Variants in TBC1D23 observed in about 807,000 individuals in gnomAD.
TBC1D23 encodes the protein HCV non-structural protein 4A-transactivated protein 1.
A neutral mutation model predicts 91.4 loss-of-function variants in TBC1D23; 55 were observed. That is an observed-to-expected ratio of 0.60 (90% CI 0.48 to 0.75). The LOEUF (loss-of-function observed/expected upper bound fraction) is 0.75. Ranked by LOEUF, TBC1D23 falls within the 30% of genes least tolerant of loss-of-function variation. The pLI, the probability that TBC1D23 is intolerant of heterozygous loss-of-function variation, is 0.00. For missense variants in TBC1D23, 725 were observed against 836.1 expected (o/e 0.87, Z 1.64); for synonymous variants, 289 against 281.0 (o/e 1.03, Z -0.28).
In TBC1D23 at chr3:100,323,650, G is replaced by A; in HGVS notation, c.2082G>A (p.Leu694=). The A allele has an allele frequency of 6.6e-7, 1 of 1,525,966 alleles. No individual in the cohort carries two copies. Among genetic ancestry groups the A allele is most frequent in the East Asian group, 2.4e-5 (1 of 41,668 alleles). 94.5% of individuals were successfully genotyped at this position (1,525,966 alleles called of 1,614,324 possible). A position where few individuals can be genotyped will look rare whatever the true frequency, so the allele number is the denominator to read the frequency against. Residue 694 remains leucine (L), a synonymous_variant, in exon 19 of 19, where the codon TTG becomes TTA. Transcript: ENST00000394144. ...TAAAACAGCAGATCATGAAAGTTTTGGATGCTTTGGAAAGTTAATATAAAA... is the reference window on the plus strand; with the variant it reads ...TAAAACAGCAGATCATGAAAGTTTTAGATGCTTTGGAAAGTTAATATAAAA... ...KAIKQQIMKV[L]DALES is the part of the protein sequence containing the mutation.
At chr3:100,316,047 C>A in intron 15 of TBC1D23, 52 bp from the exon 16 acceptor site, 1 of 1,413,324 alleles carries the variant, frequency 7.1e-7, no homozygotes, top group East Asian at 2.3e-5. Context: ...TGGTAAAAAT[C>A]TTTGATAACT....
At chr3:100,320,999 C>T in intron 18 of TBC1D23, 28 bp downstream of exon 18, 1 of 1,498,408 alleles carries the variant, frequency 6.7e-7, no homozygotes, top group African/African-American at 1.4e-5. Context: ...ATAATATTAT[C>T]TGAATTCAGA....
intron 1 of TBC1D23, among the ~76,000 whole-genome samples, chr3:100,278,432 C>T (rs1272954041): frequency 6.7e-6 from 1 of 150,296 alleles, no homozygotes; most frequent in Non-Finnish European, 1.5e-5. Context: ...GTCACCCAGG[C>T]TGGGGTGCAG....
chr3:100,289,786 G>T (rs1031164302), intron 4 of TBC1D23, among the ~76,000 whole-genome samples: 1 of 152,138 alleles, frequency 6.6e-6, no homozygotes, highest in Non-Finnish European at 1.5e-5. Flanking sequence ...TTAGGGGTAC[G>T]TGTGCAGGTT....
rs936753214 is a variant in TBC1D23 at position 100,299,339 on chromosome 3, T to A, written c.1092+8T>A. 2.0e-6 allele frequency: 3 copies of A among 1,528,176 alleles called. No homozygotes were observed. The highest frequency in any genetic ancestry group is 2.7e-6 in the Non-Finnish European group (3 of 1,109,466). 94.7% of individuals were successfully genotyped at this position (1,528,176 alleles called of 1,614,324 possible). ...CACTTAGATTCAGACCTGGTTAGTA[T>A]AAATGCTGATTAATTATTCTTAAAG... On this transcript the variant is annotated splice_region_variant and intron_variant, in intron 10 of 18. Transcript: ENST00000394144.
At chr3:100,286,286 C>G (rs2067741179) in intron 4 of TBC1D23, among the ~76,000 whole-genome samples, 1 of 152,174 alleles carries the variant, frequency 6.6e-6, no homozygotes, top group African/African-American at 2.4e-5. Flanking sequence ...GATGTCCCAG[C>G]TTTGCCTCTG....
intron 17 of TBC1D23, 103 bp downstream of exon 17, chr3:100,319,307 G>T (rs569104003): frequency 3.2e-6 from 3 of 923,848 alleles, no homozygotes; most frequent in South Asian, 3.2e-5. Context: ...AGTACAATAA[G>T]ATATAATTCC....
intron 10 of TBC1D23, 129 bp from the exon 11 acceptor site, chr3:100,301,937 GC>G: frequency 1.6e-6 from 1 of 627,216 alleles, no homozygotes; most frequent in East Asian, 2.9e-5. Context: ...ATTTATAAGA[GC>G]CTTTTTTTCC....
At chr3:100,314,601 G>C (rs1017330152) in intron 15 of TBC1D23, among the ~76,000 whole-genome samples, 1 of 151,960 alleles carries the variant, frequency 6.6e-6, no homozygotes, top group Non-Finnish European at 1.5e-5. Flanking sequence ...TCCTGTCTCT[G>C]AAAAAATAAA....
intron 1 of TBC1D23, among the ~76,000 whole-genome samples, chr3:100,266,483 G>A (rs762612463): frequency 5.9e-5 from 9 of 151,986 alleles, no homozygotes; most frequent in Admixed American, 3.3e-4. Context: ...TGGCCAGGCC[G>A]GTCTCAAACC....
At chr3:100,312,703 C>T (rs2148869811) in intron 15 of TBC1D23, among the ~76,000 whole-genome samples, 1 of 151,916 alleles carries the variant, frequency 6.6e-6, no homozygotes, top group South Asian at 2.1e-4. Context: ...AAAAGAAATT[C>T]TATAAATCCT....
At chr3:100,275,366 C>T (rs2148852046) in intron 1 of TBC1D23, among the ~76,000 whole-genome samples, 1 of 152,174 alleles carries the variant, frequency 6.6e-6, no homozygotes, top group Admixed American at 6.6e-5. Context: ...GGCCTTACTG[C>T]AGCCTCTGCC....
intron 1 of TBC1D23, among the ~76,000 whole-genome samples, chr3:100,264,267 C>T (rs12696084): frequency 0.32 from 49,008 of 151,926 alleles, 8,954 homozygotes; most frequent in Non-Finnish European, 0.41. Flanking sequence ...CCCATCCATC[C>T]GGGTGTTCTA....
At chr3:100,290,993 TAATA>T (rs917822053) in intron 5 of TBC1D23, among the ~76,000 whole-genome samples, 1 of 152,214 alleles carries the variant, frequency 6.6e-6, no homozygotes, top group Non-Finnish European at 1.5e-5. Flanking sequence ...TACATATATG[TAATA>T]AATATGAATA....
intron 1 of TBC1D23, among the ~76,000 whole-genome samples, chr3:100,276,359 G>A (rs935331821): frequency 6.6e-6 from 1 of 151,762 alleles, no homozygotes; most frequent in Non-Finnish European, 1.5e-5. Flanking sequence ...CACAATATAT[G>A]TAATCCAGTT....
At chr3:100,286,382 A>G (rs1341625419) in intron 4 of TBC1D23, among the ~76,000 whole-genome samples, 1 of 152,156 alleles carries the variant, frequency 6.6e-6, no homozygotes, top group Admixed American at 6.5e-5. Flanking sequence ...AGGTTTCTCT[A>G]GTTATTGCTT....
intron 1 of TBC1D23, among the ~76,000 whole-genome samples, chr3:100,278,405 A>G (rs1158409355): frequency 7.0e-6 from 1 of 142,214 alleles, no homozygotes; most frequent in Non-Finnish European, 1.5e-5. Flanking sequence ...TTTTTTTTTG[A>G]GACGGAGTCT....
intron 10 of TBC1D23, among the ~76,000 whole-genome samples, chr3:100,300,004 G>C (rs982150292): frequency 1.3e-5 from 2 of 152,116 alleles, no homozygotes; most frequent in African/African-American, 4.8e-5. Context: ...GAATTCTGTA[G>C]GCTTTATAGT....
chr3:100,314,132 T>G (rs192428832), intron 15 of TBC1D23, among the ~76,000 whole-genome samples: 99 of 134,032 alleles, frequency 7.4e-4, no homozygotes, highest in Non-Finnish European at 2.0e-4. Context: ...CGAGTCTTGC[T>G]CTGTTGCCCA....
Sources: gnomAD v4.1 joint callset for allele counts (sites outside exome capture counted in the v4.1 genomes callset) on GRCh38, gnomAD v4.1.1 for gene constraint, MANE v1.5 for transcripts, NCBI Gene and HGNC (gene_info 2026-07-23, HGNC 2026-07-21) for gene names.